Variants in PASD1 observed in about 807,000 individuals in gnomAD.
The protein encoded by PASD1 is PAS domain containing repressor 1.
A neutral mutation model predicts 58.8 loss-of-function variants in PASD1; 13 were observed. The ratio of observed to expected loss-of-function variants is 0.22; its 90% CI spans 0.14 to 0.35. PASD1 has a LOEUF of 0.35. PASD1 is among the 10% of genes least tolerant of loss of function. The probability of loss-of-function intolerance (pLI) is 1.00; values close to 1 mark genes in which losing one functional copy is unlikely to be tolerated. For synonymous variants in PASD1, 236 were observed against 216.7 expected, an observed-to-expected ratio of 1.09 and a Z score of -0.78; for missense variants, 734 against 568.3, an observed-to-expected ratio of 1.29 and a Z score of -2.96.
In PASD1 at chrX:151,573,531, G is replaced by A. The variant is rs1030025870; in HGVS notation, c.-28+9692G>A. On this transcript the variant is annotated intron_variant, in intron 1 of 15. Coordinates refer to ENST00000370357, the MANE Select transcript of PASD1 (RefSeq NM_173493.3). The stretch of plus-strand genomic sequence containing the variant: ...TGATCGGGGAGAGACTGACAATACA[G>A]GACTTTGATACAGTACCAAGTAAGG... Among the ~76,000 whole-genome samples the A allele has an allele frequency of 5.3e-5, 6 of 112,697 alleles. No homozygotes were observed. The East Asian group carries it at 1.4e-3, about 26-fold the overall frequency.
At position 151,672,291 on chromosome X, in the gene PASD1, CAGG is replaced by C. The variant is rs756262821; in HGVS notation, c.1549_1551del (p.Glu517del). On this transcript the variant is annotated inframe_deletion, in exon 14 of 16. Transcript: ENST00000370357. ...GAAGGTGCAGAAGCAGAAGAAGATG[CAGG>C]AGAAGAAGAAGCTGCAGGAGCAGAA... 5 of 1,166,651 alleles carry C rather than the reference CAGG, an allele frequency of 4.3e-6. No individual in the cohort carries two copies. The highest frequency in any genetic ancestry group is 3.6e-5 in the African/African-American group (2 of 55,684).
chrX:151,669,182 A>G (rs1334723150), intron 11 of PASD1, among the ~76,000 whole-genome samples: 18 of 107,075 alleles, frequency 1.7e-4, no homozygotes, highest in Non-Finnish European at 2.3e-4. Flanking sequence ...GTGTGTATAT[A>G]TATATATATA....
rs754453250 is a variant in PASD1, at chrX:151,676,021, G to A, written c.2200G>A (p.Glu734Lys). The A allele has an allele frequency of 1.6e-5, 19 of 1,209,917 alleles. No homozygotes were observed. The highest frequency in any genetic ancestry group is 3.0e-5 in the East Asian group (1 of 33,783). Residue 734 changes from glutamate to lysine, a missense_variant, in exon 16 of 16, where the codon GAG becomes AAG. Physicochemically the swap from Glu to Lys is moderately conservative, Grantham distance 56. Coordinates refer to ENST00000370357, the MANE Select transcript of PASD1 (RefSeq NM_173493.3). ...GGTGCAAGTTTCTGAGGTAGGAGTC[G>A]AGGGACCTCCTGATCCACAGGCTTT... ...HQVQVSEVGV[E>K]GPPDPQAFQG... is the part of the protein sequence containing the mutation.
At chrX:151,631,485 G>A (rs950340729) in intron 8 of PASD1, among the ~76,000 whole-genome samples, 1 of 112,030 alleles carries the variant, frequency 8.9e-6, no homozygotes, top group Non-Finnish European at 1.9e-5. Flanking sequence ...AGAGGGAGGA[G>A]AATATACCGA....
chrX:151,595,926 G>GA (rs2013317487), intron 1 of PASD1, among the ~76,000 whole-genome samples: 3 of 111,286 alleles, frequency 2.7e-5, no homozygotes, highest in Non-Finnish European at 5.6e-5. Context: ...TGGTCTGGAA[G>GA]TGCCCTCAGG....
rs1011882825 is a variant in PASD1, at chrX:151,612,579, A to G, written c.207+826A>G. On this transcript the variant is annotated intron_variant, in intron 4 of 15. Transcript: ENST00000370357. ...TCTCTGATGGCCAGTGATGCTGAGC[A>G]TTTTTTCATGTGTCTTTTGGCTGCA... Among the ~76,000 whole-genome samples the G allele has an allele frequency of 9.9e-5, 11 of 110,914 alleles. No homozygotes were observed. The Admixed American group carries it at 1.1e-3, about 11-fold the overall frequency.
intron 1 of PASD1, among the ~76,000 whole-genome samples, chrX:151,566,332 G>A (rs1185514039): frequency 2.7e-5 from 3 of 112,574 alleles, no homozygotes; most frequent in Non-Finnish European, 5.6e-5. Flanking sequence ...TAGGGCCTCA[G>A]CCCATCTTCC....
chrX:151,664,262 G>T lies in PASD1; in HGVS notation c.985G>T (p.Val329Phe). 2 of 1,211,446 alleles carry T rather than the reference G, an allele frequency of 1.7e-6. No homozygotes were observed. The highest frequency in any genetic ancestry group is 2.2e-6 in the Non-Finnish European group (2 of 895,466). The change falls in exon 11 of 16, where the codon GTT becomes TTT. Residue 329 changes from valine (V) to phenylalanine (F), a missense_variant. Coordinates refer to ENST00000370357, the MANE Select transcript of PASD1 (RefSeq NM_173493.3). ...PMDQQDPENP[V>F]APLDQAGLMD... is the part of the protein sequence containing the mutation. ...GGACCAGCAGGACCCAGAGAACCCA[G>T]TTGCCCCGTTGGACCAGGCAGGCCT...
At chrX:151,602,622 G>A (rs919389315) in intron 2 of PASD1, among the ~76,000 whole-genome samples, 4 of 110,679 alleles carry the variant, frequency 3.6e-5, no homozygotes, top group Non-Finnish European at 5.7e-5. Context: ...CTTGAACCTG[G>A]AAGGCGGAGG....
At chrX:151,612,667 T>C (rs772043386) in intron 4 of PASD1, among the ~76,000 whole-genome samples, 1 of 111,476 alleles carries the variant, frequency 9.0e-6, no homozygotes, top group Non-Finnish European at 1.9e-5. Context: ...TGGGGCTGTT[T>C]GTTTTTTTCT....
intron 1 of PASD1, among the ~76,000 whole-genome samples, chrX:151,572,686 G>A (rs1274869404): frequency 9.1e-6 from 1 of 110,327 alleles, no homozygotes; most frequent in African/African-American, 3.3e-5. Flanking sequence ...AAAAAGGACT[G>A]GAGACAGAGA....
chrX:151,634,505 G>T (rs867029073), intron 8 of PASD1, among the ~76,000 whole-genome samples: 2 of 109,374 alleles, frequency 1.8e-5, no homozygotes, highest in Non-Finnish European at 3.8e-5. Flanking sequence ...TTTTTTTTTG[G>T]TATAGGATCC....
At chrX:151,571,127 A>G (rs2012921125) in intron 1 of PASD1, among the ~76,000 whole-genome samples, 1 of 111,944 alleles carries the variant, frequency 8.9e-6, no homozygotes, top group Non-Finnish European at 1.9e-5. Flanking sequence ...GATTGAGGCG[A>G]TTTTGTAAAT....
intron 1 of PASD1, among the ~76,000 whole-genome samples, chrX:151,592,747 G>T (rs2013267167): frequency 9.0e-6 from 1 of 111,376 alleles, no homozygotes. Flanking sequence ...CAAAATCTGT[G>T]TGATTTTAAT....
chrX:151,628,050 C>T (rs1010445788), intron 8 of PASD1, among the ~76,000 whole-genome samples: 2 of 110,993 alleles, frequency 1.8e-5, no homozygotes, highest in Admixed American at 1.9e-4. Context: ...GTTGATGGGG[C>T]TGTTTGTTTT....
intron 14 of PASD1, chrX:151,673,429 A>G (rs2014503700): frequency 8.0e-6 from 1 of 124,311 alleles, no homozygotes; most frequent in African/African-American, 3.2e-5. Flanking sequence ...TTAGGGCCAT[A>G]TTGTCCACTT....
At chrX:151,613,844 C>T (rs1164047394) in intron 4 of PASD1, among the ~76,000 whole-genome samples, 1 of 111,617 alleles carries the variant, frequency 9.0e-6, no homozygotes, top group Non-Finnish European at 1.9e-5. Context: ...GTAAACAACA[C>T]AAATTTATAT....
intron 8 of PASD1, among the ~76,000 whole-genome samples, chrX:151,633,821 T>C (rs1460775018): frequency 8.9e-6 from 1 of 112,342 alleles, no homozygotes; most frequent in Non-Finnish European, 1.9e-5. Context: ...AATATAAAAG[T>C]TTAAAAAAAC....
chrX:151,601,438 C>T, intron 1 of PASD1, 89 bp from the exon 2 acceptor site: 1 of 663,167 alleles, frequency 1.5e-6, no homozygotes, highest in South Asian at 3.0e-5. Flanking sequence ...AAGTGTTACA[C>T]AATTGAGAAT....
Sources: allele counts gnomAD v4.1 joint callset (sites outside exome capture counted in the v4.1 genomes callset), GRCh38; gene constraint gnomAD v4.1.1; transcripts MANE v1.5; gene names NCBI Gene and HGNC (gene_info 2026-07-23, HGNC 2026-07-21).